Variants in DLG2 observed in about 807,000 individuals in gnomAD.
DLG2 encodes disks large homolog 2.
In DLG2, 45 loss-of-function variants were observed where a neutral mutation model predicts 132.5. The observed-to-expected ratio is 0.34, with a 90% CI of 0.27 to 0.44. The LOEUF (loss-of-function observed/expected upper bound fraction) is 0.44. Ranked by LOEUF, DLG2 falls within the 20% of genes least tolerant of loss-of-function variation. DLG2 has a pLI of 1.00. For synonymous variants in DLG2, 424 were observed against 419.6 expected (o/e 1.01, Z -0.13); for missense variants, 1,045 against 1,196.9 (o/e 0.87, Z 1.87).
chr11:85,132,621 C>T, intron 5 of DLG2: 1 of 401,894 alleles, frequency 2.5e-6, no homozygotes, highest in Admixed American at 2.5e-5. Context: ...CCCCCAGACC[C>T]TCAGGGAACA....
chr11:85,361,342 G>A (rs2084139963), intron 3 of DLG2, among the ~76,000 whole-genome samples: 1 of 151,644 alleles, frequency 6.6e-6, no homozygotes, highest in South Asian at 2.1e-4. Context: ...TACTTAGGGG[G>A]TACAAGTGCA....
At chr11:84,353,697 G>A (rs1041183385) in intron 7 of DLG2, among the ~76,000 whole-genome samples, 2 of 152,038 alleles carry the variant, frequency 1.3e-5, no homozygotes, top group African/African-American at 4.8e-5. Context: ...GTCATGTTTG[G>A]TATGTTTTTG....
intron 24 of DLG2, 129 bp from the exon 25 acceptor site, chr11:83,469,502 T>A: frequency 1.5e-6 from 1 of 666,904 alleles, no homozygotes. Context: ...TATGACATAG[T>A]AACAGGTACT....
At chr11:85,594,466 C>A in intron 3 of DLG2, among the ~76,000 whole-genome samples, 1 of 152,150 alleles carries the variant, frequency 6.6e-6, no homozygotes, top group South Asian at 2.1e-4. Flanking sequence ...CCTCTAATTC[C>A]TCTCCAAAAA....
chr11:84,701,804 C>G (rs190788015), intron 6 of DLG2, among the ~76,000 whole-genome samples: 1 of 151,558 alleles, frequency 6.6e-6, no homozygotes, highest in Non-Finnish European at 1.5e-5. Context: ...CTTAAAGCCC[C>G]GAACAGTGCC....
intron 3 of DLG2, among the ~76,000 whole-genome samples, chr11:85,564,308 C>A (rs974122891): frequency 4.6e-5 from 7 of 151,620 alleles, no homozygotes; most frequent in East Asian, 1.9e-4. Context: ...GCACTGGGGG[C>A]CCTGAAAAAT....
At chr11:83,541,961 A>C in intron 19 of DLG2, 103 bp from the exon 20 acceptor site, 44 of 1,096,816 alleles carry the variant, frequency 4.0e-5, no homozygotes, top group Non-Finnish European at 5.6e-5. Context: ...ACCTATCATC[A>C]CTTGATATCA....
intron 8 of DLG2, among the ~76,000 whole-genome samples, chr11:84,235,074 T>C (rs2097141718): frequency 6.6e-6 from 1 of 152,286 alleles, no homozygotes; most frequent in East Asian, 1.9e-4. Context: ...ACCCAGGCAC[T>C]CCCTTCTATT....
At chr11:84,824,322 A>G (rs901835477) in intron 6 of DLG2, among the ~76,000 whole-genome samples, 3 of 151,946 alleles carry the variant, frequency 2.0e-5, no homozygotes, top group Non-Finnish European at 2.9e-5. Context: ...ACAGCTACTG[A>G]TCTCTAAGAG....
In DLG2 at chr11:85,476,451, AC is replaced by A. The variant is rs558639772; in HGVS notation, c.40+122205del. ...ATTTTATTTTACAATAATAAATTAA[AC>A]TTAGCTTACTGTAACTTTTCTACTT... On this transcript the variant is annotated intron_variant, in intron 3 of 27. Coordinates refer to ENST00000376104, the MANE Select transcript of DLG2 (RefSeq NM_001142699.3). 6.1e-4 allele frequency among the ~76,000 whole-genome samples: 93 copies of A among 152,198 alleles called. 1 individual carries two copies. Among genetic ancestry groups the A allele is most frequent in the Admixed American group, 1.4e-3 (22 of 15,298 alleles).
chr11:84,969,328 T>A (rs1448262017), intron 6 of DLG2, among the ~76,000 whole-genome samples: 1 of 152,020 alleles, frequency 6.6e-6, no homozygotes, highest in Non-Finnish European at 1.5e-5. Flanking sequence ...TGGCTGGGAG[T>A]GCTGTGTCTG....
chr11:84,712,541 T>G (rs1468605669), intron 6 of DLG2, among the ~76,000 whole-genome samples: 1 of 152,060 alleles, frequency 6.6e-6, no homozygotes, highest in African/African-American at 2.4e-5. Flanking sequence ...AACAACGTGT[T>G]GGTAGGTTAA....
At chr11:85,367,454 A>G (rs1404641609) in intron 3 of DLG2, among the ~76,000 whole-genome samples, 2 of 152,174 alleles carry the variant, frequency 1.3e-5, no homozygotes, top group African/African-American at 4.8e-5. Flanking sequence ...TTAATGTAGT[A>G]TCCACCACAC....
intron 6 of DLG2, among the ~76,000 whole-genome samples, chr11:85,039,186 C>T (rs538543446): frequency 6.6e-6 from 1 of 151,778 alleles, no homozygotes; most frequent in African/African-American, 2.4e-5. Flanking sequence ...CACAAAGGAC[C>T]TTAGTAAGAG....
intron 3 of DLG2, chr11:85,286,084 A>T: frequency 2.2e-6 from 1 of 445,958 alleles, no homozygotes; most frequent in South Asian, 1.6e-5. Context: ...ACAGGAAAAA[A>T]AAAGTACTGA....
At chr11:85,121,410 T>C (rs1422687296) in intron 5 of DLG2, among the ~76,000 whole-genome samples, 2 of 151,110 alleles carry the variant, frequency 1.3e-5, no homozygotes, top group Admixed American at 6.6e-5. Flanking sequence ...ATATATATTA[T>C]AAAGTCAAAT....
intron 6 of DLG2, among the ~76,000 whole-genome samples, chr11:84,726,231 C>T (rs745440676): frequency 6.6e-6 from 1 of 152,130 alleles, no homozygotes; most frequent in Non-Finnish European, 1.5e-5. Flanking sequence ...CCGTCTCCTA[C>T]GTTAGGTATT....
chr11:83,875,588 G>T (rs944137879), intron 15 of DLG2, among the ~76,000 whole-genome samples: 10 of 152,056 alleles, frequency 6.6e-5, no homozygotes, highest in African/African-American at 1.7e-4. Flanking sequence ...TCTGAGATAG[G>T]CACAATAATA....
intron 6 of DLG2, among the ~76,000 whole-genome samples, chr11:84,781,318 T>A (rs1001775297): frequency 6.6e-5 from 10 of 152,078 alleles, no homozygotes; most frequent in African/African-American, 2.4e-4. Flanking sequence ...ACCAAACATA[T>A]ATTTTCTGGA....
Sources: allele counts gnomAD v4.1 joint callset (sites outside exome capture counted in the v4.1 genomes callset), GRCh38; gene constraint gnomAD v4.1.1; transcripts MANE v1.5; gene names NCBI Gene and HGNC (gene_info 2026-07-23, HGNC 2026-07-21).